Variants in ATG4C observed in about 807,000 individuals in gnomAD.
The protein encoded by ATG4C is cysteine protease ATG4C.
In ATG4C, 56 loss-of-function variants were observed where a neutral mutation model predicts 57.6. The ratio of observed to expected loss-of-function variants is 0.97; its 90% confidence interval spans 0.78 to 1.21. The LOEUF is 1.21. ATG4C is among the 50% of genes most tolerant of loss of function. The pLI is 0.00. For synonymous variants in ATG4C, 157 were observed against 174.1 expected (o/e 0.90, Z 0.78); for missense variants, 595 against 529.8 (o/e 1.12, Z -1.21).
At chr1:62,819,608 C>T (rs1370864279) in intron 5 of ATG4C, among the ~76,000 whole-genome samples, 2 of 151,984 alleles carry the variant, frequency 1.3e-5, no homozygotes, top group African/African-American at 2.4e-5. Context: ...GAATACCTTA[C>T]TGAAATGCTC....
intron 3 of ATG4C, among the ~76,000 whole-genome samples, chr1:62,814,249 G>A (rs1017420117): frequency 1.3e-5 from 2 of 152,170 alleles, no homozygotes; most frequent in Admixed American, 6.5e-5. Context: ...TATACACCAT[G>A]GAATACTATG....
At chr1:62,803,916 TTA>T in intron 2 of ATG4C, 54 bp downstream of exon 2, 1 of 1,127,450 alleles carries the variant, frequency 8.9e-7, no homozygotes, top group Non-Finnish European at 1.3e-6. Context: ...TTGACAATAT[TTA>T]TCATTTCCCC....
intron 1 of ATG4C, among the ~76,000 whole-genome samples, chr1:62,784,751 T>G (rs889391361): frequency 6.6e-6 from 1 of 152,214 alleles, no homozygotes; most frequent in Non-Finnish European, 1.5e-5. Context: ...CATAACACAC[T>G]GCCTTGCATA....
At chr1:62,855,863 C>T (rs535774975) in intron 10 of ATG4C, among the ~76,000 whole-genome samples, 3 of 152,184 alleles carry the variant, frequency 2.0e-5, no homozygotes, top group Non-Finnish European at 4.4e-5. Flanking sequence ...TGTATAGTCT[C>T]CTATTTATAC....
At chr1:62,785,581 TAATGTTTTATAA>T (rs1264143580) in intron 1 of ATG4C, among the ~76,000 whole-genome samples, 3 of 152,220 alleles carry the variant, frequency 2.0e-5, no homozygotes, top group African/African-American at 7.2e-5. Flanking sequence ...TTCTGTTCAC[TAATGTTTTATAA>T]AAAGGCAGAA....
rs775559811 is a variant in ATG4C, at chr1:62,819,071, T to C, written c.461T>C (p.Val154Ala). ...SDSESWTSHT[V>A]KKFTASFEAS... ...TCTGAATCATGGACTTCCCACACTG[T>C]CAAAAAATTTACTGCATCATTTGAA... Residue 154 changes from valine (V) to alanine (A), a missense_variant, in exon 5 of 11, where the codon GTC becomes GCC. Val to Ala is a moderately conservative substitution (Grantham distance 64). Transcript: ENST00000317868. The C allele has an allele frequency of 3.7e-6, 6 of 1,607,946 alleles. No homozygotes were observed. The South Asian group carries it at 6.7e-5, about 18-fold the overall frequency.
intron 3 of ATG4C, among the ~76,000 whole-genome samples, chr1:62,815,454 C>G (rs1045162417): frequency 1.3e-5 from 2 of 152,152 alleles, no homozygotes; most frequent in South Asian, 2.1e-4. Flanking sequence ...CCCCACACAT[C>G]TTACTTAATA....
chr1:62,794,879 A>G (rs545392724), intron 1 of ATG4C, among the ~76,000 whole-genome samples: 1 of 152,294 alleles, frequency 6.6e-6, no homozygotes, highest in Admixed American at 6.5e-5. Context: ...ATGATAGCCC[A>G]TTGTGTTAGA....
intron 3 of ATG4C, among the ~76,000 whole-genome samples, chr1:62,811,833 A>G (rs1017241315): frequency 6.6e-6 from 1 of 152,188 alleles, no homozygotes; most frequent in Non-Finnish European, 1.5e-5. Flanking sequence ...GGAAACTGCA[A>G]CTTTAAGTGA....
chr1:62,787,476 C>G (rs1318786121), intron 1 of ATG4C, among the ~76,000 whole-genome samples: 1 of 152,154 alleles, frequency 6.6e-6, no homozygotes, highest in Non-Finnish European at 1.5e-5. Flanking sequence ...CATAAATATA[C>G]ATGCATTAGG....
rs558520385 is a variant in ATG4C at position 62,834,885 on chromosome 1, T to C, written c.1089+33T>C. On this transcript the variant is annotated intron_variant, in intron 9 of 10. Coordinates refer to ENST00000317868, the MANE Select transcript of ATG4C (RefSeq NM_032852.4). ...GGATAAAAAGCTGATACTGTTTTCT[T>C]ACCATATGAAGTAAACTAATTATTT... The C allele has an allele frequency of 9.0e-6, 14 of 1,559,302 alleles. No homozygotes were observed. The South Asian group carries it at 1.3e-4, about 15-fold the overall frequency.
At chr1:62,856,707 T>C (rs1666694321) in intron 10 of ATG4C, among the ~76,000 whole-genome samples, 1 of 152,128 alleles carries the variant, frequency 6.6e-6, no homozygotes, top group Non-Finnish European at 1.5e-5. Context: ...ATAATCACTG[T>C]AGAGTGAGAT....
intron 3 of ATG4C, among the ~76,000 whole-genome samples, chr1:62,812,742 C>G (rs769044303): frequency 2.6e-5 from 4 of 152,198 alleles, no homozygotes; most frequent in Non-Finnish European, 4.4e-5. Context: ...AGCCCAAAAT[C>G]TCCTTATGCT....
At chr1:62,833,952 C>A in intron 7 of ATG4C, 86 bp from the exon 8 acceptor site, 3 of 1,127,792 alleles carry the variant, frequency 2.7e-6, no homozygotes, top group Admixed American at 2.2e-5. Flanking sequence ...AATTTGGGAG[C>A]TACTAATATT....
intron 9 of ATG4C, among the ~76,000 whole-genome samples, chr1:62,837,242 G>A (rs1666026570): frequency 6.6e-6 from 1 of 151,954 alleles, no homozygotes; most frequent in Non-Finnish European, 1.5e-5. Flanking sequence ...CTCATTTTTA[G>A]CTATCTTCAG....
intron 6 of ATG4C, among the ~76,000 whole-genome samples, chr1:62,827,165 T>A (rs1248049955): frequency 6.6e-6 from 1 of 152,146 alleles, no homozygotes; most frequent in African/African-American, 2.4e-5. Context: ...GTCTTTACAA[T>A]GGCTTTCAAG....
chr1:62,816,479 T>C, intron 3 of ATG4C, 96 bp from the exon 4 acceptor site: 1 of 782,706 alleles, frequency 1.3e-6, no homozygotes, highest in Non-Finnish European at 1.9e-6. Flanking sequence ...TTGGAAAGAT[T>C]GTGACATACT....
In ATG4C at chr1:62,790,820, C is replaced by T. The variant is rs566297849; in HGVS notation, c.-69+6547C>T. ...CAAGAAAAGTGACATCAAGTGATTC[C>T]ATTTGTAAACCAAAACAATTGTGTT... On this transcript the variant is annotated intron_variant, in intron 1 of 10. Coordinates refer to ENST00000317868, the MANE Select transcript of ATG4C (RefSeq NM_032852.4). 1.7e-4 allele frequency among the ~76,000 whole-genome samples: 26 copies of T among 152,254 alleles called. No homozygotes were observed. The South Asian group carries it at 5.0e-3, about 29-fold the overall frequency.
At chr1:62,786,306 G>A (rs1303107134) in intron 1 of ATG4C, among the ~76,000 whole-genome samples, 1 of 152,166 alleles carries the variant, frequency 6.6e-6, no homozygotes, top group Non-Finnish European at 1.5e-5. Flanking sequence ...AACAAGAAAA[G>A]TCCCTGCTCT....
Sources: gnomAD v4.1 joint callset for allele counts (sites outside exome capture counted in the v4.1 genomes callset) on GRCh38, gnomAD v4.1.1 for gene constraint, MANE v1.5 for transcripts, NCBI Gene and HGNC (gene_info 2026-07-23, HGNC 2026-07-21) for gene names.